SAAL1: variants seen among roughly 807,000 people sequenced by gnomAD.
The protein encoded by SAAL1 is protein SAAL1.
A neutral mutation model predicts 59.8 loss-of-function variants in SAAL1; 42 were observed. The observed-to-expected ratio is 0.70, with a 90% CI of 0.55 to 0.91. The LOEUF is 0.91. SAAL1 is among the 40% of genes least tolerant of loss of function. The probability of loss-of-function intolerance (pLI) is 0.00; values close to 1 mark genes in which losing one functional copy is unlikely to be tolerated. For synonymous variants in SAAL1, 191 were observed against 194.3 expected, an observed-to-expected ratio of 0.98 and a Z score of 0.14; for missense variants, 542 against 561.1, an observed-to-expected ratio of 0.97 and a Z score of 0.34.
chr11:18,104,806 C>T (rs1289530040), intron 1 of SAAL1, among the ~76,000 whole-genome samples: 1 of 152,090 alleles, frequency 6.6e-6, no homozygotes, highest in Admixed American at 6.6e-5. Flanking sequence ...ACAAACAGCC[C>T]TGGATTCCAA....
Position 18,086,988 on chromosome 11 carries a change from C to G in SAAL1, c.920G>C (p.Cys307Ser), listed in dbSNP as rs1043173792. 4 of 1,613,842 alleles carry G rather than the reference C, an allele frequency of 2.5e-6. No individual in the cohort carries two copies. In the African/African-American group the frequency reaches 4.0e-5, roughly 16 times the overall value. Residue 307 changes from cysteine to serine, a missense_variant, in exon 9 of 12, where the codon TGC becomes TCC. Transcript: ENST00000524803. ...LLFDLVCHEF[C>S]QSDDPPIILQ... ...AATGATGGGTGGATCATCAGACTGG[C>G]AGAATTCATGGCAGACCAGGTCAAA... is the stretch of plus-strand genomic sequence containing the variant.
In SAAL1 at chr11:18,094,866, T is replaced by C. The variant is rs547941598; in HGVS notation, c.333+1905A>G. On this transcript the variant is annotated intron_variant, in intron 3 of 11. Transcript: ENST00000524803. ...TAAACTAAAGAGGGAATAACTGAAC[T>C]TCCAATCAAAGATCAAGTTTTTCTT... is the stretch of plus-strand genomic sequence containing the variant. Among the ~76,000 whole-genome samples, 15 of 152,280 alleles carry C rather than the reference T, an allele frequency of 9.9e-5. 1 individual carries two copies. In the South Asian group the frequency reaches 3.1e-3, roughly 32 times the overall value.
chr11:18,106,027 G>C lies in SAAL1; in HGVS notation c.15C>G (p.Pro5=), dbSNP rs765695127. The C allele has an allele frequency of 5.7e-6, 9 of 1,566,806 alleles. No individual in the cohort carries two copies. Among genetic ancestry groups the C allele is most frequent in the East Asian group, 2.3e-5 (1 of 44,280 alleles). Residue 5 remains proline, a synonymous_variant, in exon 1 of 12, where the codon CCC becomes CCG. Transcript: ENST00000524803. MDRN[P]SPPPPGRDKE... ...TGTCGCGACCCGGCGGCGGCGGCGA[G>C]GGGTTGCGGTCCATGACTTTGTCGC...
intron 3 of SAAL1, among the ~76,000 whole-genome samples, chr11:18,093,259 C>T (rs1051297160): frequency 1.3e-5 from 2 of 152,098 alleles, no homozygotes; most frequent in Non-Finnish European, 2.9e-5. Context: ...CAAGGAGCCG[C>T]CATTAAGTGC....
At chr11:18,105,374 A>G (rs955307571) in intron 1 of SAAL1, among the ~76,000 whole-genome samples, 1 of 138,926 alleles carries the variant, frequency 7.2e-6, no homozygotes, top group African/African-American at 2.7e-5. Flanking sequence ...AACCAGGTCT[A>G]TGTTGCCCAG....
intron 2 of SAAL1, among the ~76,000 whole-genome samples, chr11:18,101,791 T>C (rs1316571051): frequency 1.4e-5 from 2 of 146,708 alleles, no homozygotes; most frequent in Non-Finnish European, 3.0e-5. Context: ...AATTGTGGTA[T>C]ATACATATAA....
intron 2 of SAAL1, among the ~76,000 whole-genome samples, chr11:18,098,083 G>C (rs1252477489): frequency 6.6e-6 from 1 of 152,250 alleles, no homozygotes; most frequent in East Asian, 1.9e-4. Context: ...TGAGGCAGAG[G>C]GTGCAGTGAG....
chr11:18,102,304 T>C (rs939575004), intron 2 of SAAL1, among the ~76,000 whole-genome samples: 4 of 151,296 alleles, frequency 2.6e-5, no homozygotes, highest in Admixed American at 1.3e-4. Flanking sequence ...CTGGACGCTA[T>C]GGCAGGAGAA....
chr11:18,081,773 G>A (rs1168983092), intron 10 of SAAL1: 1 of 368,610 alleles, frequency 2.7e-6, no homozygotes, highest in Non-Finnish European at 5.0e-6. Flanking sequence ...CCCTCCTGCT[G>A]ACTCCTCCCG....
chr11:18,080,351 A>G lies in SAAL1; in HGVS notation c.*48T>C, dbSNP rs748322242. On this transcript the variant is annotated 3_prime_UTR_variant, in exon 12 of 12. Transcript: ENST00000524803. ...AATAAGTCAATTTCAACTGTCAGTG[A>G]GAAAAATAAAGTTTATTTCTTGTAC... The G allele has an allele frequency of 7.6e-6, 9 of 1,185,506 alleles. No individual in the cohort carries two copies. In the East Asian group the frequency reaches 2.2e-4, roughly 29 times the overall value. The allele number at this position is 1,185,506 out of a possible 1,614,324, so 73.4% of individuals were successfully genotyped here. A position where few individuals can be genotyped will look rare whatever the true frequency, so the allele number is the denominator to read the frequency against.
At chr11:18,090,362 T>C in intron 5 of SAAL1, 72 bp from the exon 6 acceptor site, 7 of 1,554,678 alleles carry the variant, frequency 4.5e-6, no homozygotes, top group Non-Finnish European at 6.0e-6. Flanking sequence ...AATTCGAAAA[T>C]AAAAAATTAA....
intron 6 of SAAL1, 97 bp downstream of exon 6, chr11:18,090,078 T>G: frequency 8.3e-7 from 1 of 1,207,394 alleles, no homozygotes; most frequent in Non-Finnish European, 1.1e-6. Context: ...CACTCAAGGC[T>G]TTTTTTAAAA....
In SAAL1 at chr11:18,087,473, T is replaced by G. The variant is rs1017011780; in HGVS notation, c.771-248A>C. Among the ~76,000 whole-genome samples the G allele has an allele frequency of 5.3e-5, 8 of 152,224 alleles. No individual in the cohort carries two copies. In the East Asian group the frequency reaches 1.5e-3, roughly 29 times the overall value. ...ACAGGACAAGAAGTAAAAAAACTTT[T>G]TGGCTCTATCTCATAAAAGCAACAA... On this transcript the variant is annotated intron_variant, in intron 7 of 11. Coordinates refer to ENST00000524803, the MANE Select transcript of SAAL1 (RefSeq NM_138421.3).
chr11:18,087,594 C>T (rs1848480338), intron 7 of SAAL1, among the ~76,000 whole-genome samples: 2 of 152,182 alleles, frequency 1.3e-5, no homozygotes, highest in South Asian at 4.1e-4. Context: ...ACGTTAAGGT[C>T]CGCTGCATCA....
chr11:18,087,554 C>G (rs1345384171), intron 7 of SAAL1, among the ~76,000 whole-genome samples: 2 of 152,040 alleles, frequency 1.3e-5, no homozygotes, highest in Admixed American at 6.5e-5. Flanking sequence ...ATAATCAGAA[C>G]AAAAAAAGAC....
intron 11 of SAAL1, 76 bp from the exon 12 acceptor site, chr11:18,080,567 G>T: frequency 1.1e-6 from 1 of 919,000 alleles, no homozygotes; most frequent in Non-Finnish European, 1.6e-6. Context: ...TGCTCTACCT[G>T]TGGTTTCTAA....
chr11:18,093,945 T>C (rs1174976596), intron 3 of SAAL1: 1 of 152,222 alleles, frequency 6.6e-6, no homozygotes, highest in Admixed American at 6.5e-5. Flanking sequence ...ATCAGTGATA[T>C]TGGTCCCGTT....
chr11:18,088,656 AT>A (rs567469529), intron 7 of SAAL1, among the ~76,000 whole-genome samples: 93 of 152,304 alleles, frequency 6.1e-4, no homozygotes, highest in African/African-American at 2.2e-3. Context: ...AGATTCAGTA[AT>A]TGGCTTCTCC....
At chr11:18,102,493 T>C (rs532213288) in intron 2 of SAAL1, among the ~76,000 whole-genome samples, 1 of 152,060 alleles carries the variant, frequency 6.6e-6, no homozygotes, top group Non-Finnish European at 1.5e-5. Flanking sequence ...ATAAAATGAC[T>C]GAAACAATGA....
Sources: allele counts gnomAD v4.1 joint callset (sites outside exome capture counted in the v4.1 genomes callset), GRCh38; gene constraint gnomAD v4.1.1; transcripts MANE v1.5; gene names NCBI Gene and HGNC (gene_info 2026-07-23, HGNC 2026-07-21).